MED1: variants seen among roughly 807,000 people sequenced by gnomAD.
The protein encoded by MED1 is mediator of RNA polymerase II transcription subunit 1.
MED1 carries 17 observed loss-of-function variants against 121.3 expected under a neutral mutation model. That is an observed-to-expected ratio of 0.14 (90% confidence interval 0.10 to 0.21). The LOEUF is 0.21. MED1 is among the 10% of genes least tolerant of loss of function. MED1 has a pLI of 1.00. For missense variants in MED1, 1,558 were observed against 1,919.4 expected (o/e 0.81, Z 3.52); for synonymous variants, 661 against 694.4 (o/e 0.95, Z 0.76).
At chr17:39,432,868 C>A (rs920979225) in intron 7 of MED1, among the ~76,000 whole-genome samples, 3 of 152,028 alleles carry the variant, frequency 2.0e-5, no homozygotes, top group African/African-American at 7.2e-5. Context: ...AGTTTGAGAC[C>A]AGCCTGACCA....
Position 39,410,176 on chromosome 17 carries a change from G to A in MED1, c.2045C>T (p.Ser682Leu), listed in dbSNP as rs201224571. Residue 682 changes from serine (S) to leucine (L), a missense_variant, in exon 17 of 17, where the codon TCG becomes TTG. Coordinates refer to ENST00000300651, the MANE Select transcript of MED1 (RefSeq NM_004774.4). ...SSGSPRMEICSGSNKTKKKKS... is the reference protein window; with the variant it reads ...SSGSPRMEICLGSNKTKKKKS... ...CTTTTTCTTGGTCTTGTTGCTCCCC[G>A]AGCATATTTCCATGCGGGGTGAGCC... is the stretch of plus-strand genomic sequence containing the variant. The A allele has an allele frequency of 4.4e-5, 71 of 1,613,866 alleles. No homozygotes were observed. The highest frequency in any genetic ancestry group is 5.5e-5 in the South Asian group (5 of 91,078).
intron 6 of MED1, among the ~76,000 whole-genome samples, chr17:39,436,153 G>C (rs1187437208): frequency 1.3e-5 from 2 of 151,892 alleles, no homozygotes; most frequent in Non-Finnish European, 2.9e-5. Flanking sequence ...ACGAGGTCAG[G>C]AGATCGAAAC....
chr17:39,414,907 A>T (rs1220287715), intron 16 of MED1, 119 bp downstream of exon 16: 3 of 814,628 alleles, frequency 3.7e-6, no homozygotes, highest in Admixed American at 1.9e-5. Context: ...TGACCTCGTG[A>T]TCCGCCTGCC....
In MED1 at chr17:39,408,421, G is replaced by A. The variant is rs138417070; in HGVS notation, c.3800C>T (p.Thr1267Met). Residue 1267 changes from threonine to methionine, a missense_variant, in exon 17 of 17, where the codon ACG becomes ATG. Around this residue, in one of 5 missense-constraint regions of MED1, gnomAD observed 793 missense variants for 898.2 expected, o/e 0.88. Transcript: ENST00000300651. The surrounding 1 kb of genome is among the most constrained non-coding windows in gnomAD (Gnocchi z 4.7). ...QKTPPSSNSC[T>M]ASSSSFSSSG... ...TGAGGAAAAGGAGGAGGAAGATGCC[G>A]TACAGGAATTAGATGATGGGGGAGT... The A allele has an allele frequency of 3.5e-5, 57 of 1,614,164 alleles. 1 individual carries two copies. The highest frequency in any genetic ancestry group is 3.3e-4 in the Middle Eastern group (2 of 6,062).
chr17:39,437,588 G>C (rs528358243), intron 6 of MED1, among the ~76,000 whole-genome samples: 10 of 151,960 alleles, frequency 6.6e-5, no homozygotes, highest in African/African-American at 2.4e-4. Flanking sequence ...GAGACCCTGG[G>C]ATATCTTTCT....
At position 39,420,790 on chromosome 17, in the gene MED1, T is replaced by C. The variant is rs2048455731; in HGVS notation, c.1096-872A>G. On this transcript the variant is annotated intron_variant, in intron 13 of 16. Transcript: ENST00000300651. ...ACAGGCATGAACAACCACATGTGCC[T>C]ATTTTTTTTTTTTTTTTTTTTTGAG... is the stretch of plus-strand genomic sequence containing the variant. Among the ~76,000 whole-genome samples the C allele has an allele frequency of 4.3e-5, 4 of 92,848 alleles. No individual in the cohort carries two copies. In the Admixed American group the frequency reaches 4.8e-4, roughly 11 times the overall value. The allele number at this position is 92,848 out of a possible 152,430, so 60.9% of individuals were successfully genotyped here.
At chr17:39,411,327 A>C (rs1387519321) in intron 16 of MED1, among the ~76,000 whole-genome samples, 1 of 151,826 alleles carries the variant, frequency 6.6e-6, no homozygotes, top group African/African-American at 2.4e-5. Flanking sequence ...CAAAAAAAAA[A>C]ATGCCTCCTT....
chr17:39,405,968 C>A lies in MED1; in HGVS notation c.*1507G>T, dbSNP rs552803987. The A allele has an allele frequency of 1.0e-6, 1 of 985,276 alleles. No individual in the cohort carries two copies. Among genetic ancestry groups the A allele is most frequent in the South Asian group, 4.7e-5 (1 of 21,284 alleles). 61.0% of individuals were successfully genotyped at this position (985,276 alleles called of 1,614,324 possible). On this transcript the variant is annotated 3_prime_UTR_variant, in exon 17 of 17. Coordinates refer to ENST00000300651, the MANE Select transcript of MED1 (RefSeq NM_004774.4). ...GGGACCATGCCCCATCCCGCTGATA[C>A]AGATCCTGAATGGAATAATCAGGAA... is the stretch of plus-strand genomic sequence containing the variant.
intron 1 of MED1, 39 bp from the exon 2 acceptor site, chr17:39,447,943 T>C (rs2048744048): frequency 1.5e-6 from 2 of 1,311,076 alleles, no homozygotes; most frequent in Admixed American, 1.8e-5. Context: ...GTAACTGTTC[T>C]ATCAAGACCA....
Position 39,451,217 on chromosome 17 carries a change from A to G in MED1, c.-155T>C. 1 of 817,620 alleles carries G rather than the reference A, an allele frequency of 1.2e-6. No individual in the cohort carries two copies. Among genetic ancestry groups the G allele is most frequent in the Non-Finnish European group, 1.9e-6 (1 of 520,200 alleles). 50.6% of individuals were successfully genotyped at this position (817,620 alleles called of 1,614,324 possible). On this transcript the variant is annotated 5_prime_UTR_variant, in exon 1 of 17. Coordinates refer to ENST00000300651, the MANE Select transcript of MED1 (RefSeq NM_004774.4). ...TCAATCTGAAGTCCCCGGCGGCAAG[A>G]AGAGAAGGGTGCTCGAGGCCGCCGC...
At chr17:39,422,339 T>A (rs1360936958) in intron 13 of MED1, among the ~76,000 whole-genome samples, 2 of 150,116 alleles carry the variant, frequency 1.3e-5, no homozygotes, top group African/African-American at 4.9e-5. Context: ...AATTTTTGTA[T>A]TTTTTTAGTA....
intron 1 of MED1, among the ~76,000 whole-genome samples, chr17:39,448,938 TA>T (rs1363554143): frequency 6.6e-6 from 1 of 151,980 alleles, no homozygotes; most frequent in East Asian, 1.9e-4. Context: ...ATGAAAATGC[TA>T]AAAAGACAGC....
intron 16 of MED1, among the ~76,000 whole-genome samples, chr17:39,412,680 G>T (rs560652352): frequency 7.1e-4 from 108 of 151,444 alleles, no homozygotes; most frequent in Non-Finnish European, 1.3e-3. Context: ...TGGGATTACA[G>T]AAGCCCGCCA....
chr17:39,407,315 G>C lies in MED1; in HGVS notation c.*160C>G. On this transcript the variant is annotated 3_prime_UTR_variant, in exon 17 of 17. Transcript: ENST00000300651. ...CCTGTGGTTTCTTTAATAGGGTCTGGATATGCCTTTCTAATTCACCCAGCT... is the reference window on the plus strand; with the variant it reads ...CCTGTGGTTTCTTTAATAGGGTCTGCATATGCCTTTCTAATTCACCCAGCT... 1.4e-6 allele frequency: 2 copies of C among 1,405,176 alleles called. No individual in the cohort carries two copies. The highest frequency in any genetic ancestry group is 1.8e-6 in the Non-Finnish European group (2 of 1,084,940). 87.0% of individuals were successfully genotyped at this position (1,405,176 alleles called of 1,614,324 possible).
At position 39,435,406 on chromosome 17, in the gene MED1, C is replaced by T. The variant is rs537585924; in HGVS notation, c.429-1086G>A. Among the ~76,000 whole-genome samples, 218 of 152,052 alleles carry T rather than the reference C, an allele frequency of 1.4e-3. 2 individuals are homozygous for T. The highest frequency in any genetic ancestry group is 4.9e-3 in the African/African-American group (203 of 41,490). On this transcript the variant is annotated intron_variant, in intron 6 of 16. Transcript: ENST00000300651. The stretch of plus-strand genomic sequence containing the variant: ...GACCCAATATTCAGGCTTCGATTGT[C>T]GGACAAATGGGCTTTTGTGGATAGG...
At position 39,406,557 on chromosome 17, in the gene MED1, A is replaced by G. The variant is rs981880857; in HGVS notation, c.*918T>C. 61 of 980,934 alleles carry G rather than the reference A, an allele frequency of 6.2e-5. No homozygotes were observed. Among genetic ancestry groups the G allele is most frequent in the Non-Finnish European group, 6.8e-5 (56 of 827,334 alleles). The allele number at this position is 980,934 out of a possible 1,614,324, so 60.8% of individuals were successfully genotyped here. A position where few individuals can be genotyped will look rare whatever the true frequency, so the allele number is the denominator to read the frequency against. On this transcript the variant is annotated 3_prime_UTR_variant, in exon 17 of 17. Transcript: ENST00000300651. ...TGTTTACATCCCAACAAGCCACCTTAGCTTTTTTTTTTTTTTTTGAAAGGA... is the reference window on the plus strand; with the variant it reads ...TGTTTACATCCCAACAAGCCACCTTGGCTTTTTTTTTTTTTTTTGAAAGGA...
intron 2 of MED1, chr17:39,445,431 C>A (rs1364252976): frequency 6.6e-6 from 1 of 151,934 alleles, no homozygotes; most frequent in East Asian, 1.9e-4. Flanking sequence ...AGCCTGGTCT[C>A]GAACTCCTGA....
intron 1 of MED1, among the ~76,000 whole-genome samples, chr17:39,449,657 C>T (rs1332824059): frequency 1.3e-5 from 2 of 151,348 alleles, no homozygotes; most frequent in Non-Finnish European, 2.9e-5. Context: ...GGATTGCAGG[C>T]ATGCCACTGT....
At position 39,408,738 on chromosome 17, in the gene MED1, A is replaced by G. The variant is rs2048327568; in HGVS notation, c.3483T>C (p.His1161=). 1 of 1,614,072 alleles carries G rather than the reference A, an allele frequency of 6.2e-7. No homozygotes were observed. Among genetic ancestry groups the G allele is most frequent in the Non-Finnish European group, 8.5e-7 (1 of 1,180,034 alleles). Residue 1161 remains histidine (H), a synonymous_variant, in exon 17 of 17, where the codon CAT becomes CAC. Transcript: ENST00000300651. This position sits in a 1 kb window ranked among gnomAD's most constrained non-coding sequence, Gnocchi z 4.7. The part of the protein sequence containing the change: ...GKPGSSPITK[H]GLSSGSSSTK... ...TGCTGCTAGAGCCACTGCTCAGTCC[A>G]TGCTTGGTTATGGGAGAGGAGCCTG... is the stretch of plus-strand genomic sequence containing the variant.
Sources: allele counts gnomAD v4.1 joint callset (sites outside exome capture counted in the v4.1 genomes callset), GRCh38; gene constraint gnomAD v4.1.1; regional missense constraint gnomAD v4.1.1; non-coding constraint Gnocchi (gnomAD v3.1); transcripts MANE v1.5; gene names NCBI Gene and HGNC (gene_info 2026-07-23, HGNC 2026-07-21).